The following SPMIP7 variants were observed in gnomAD, a reference collection of about 807,000 sequenced individuals.
The protein encoded by SPMIP7 is protein SPMIP7.
At chr7:50,151,397 C>A in the SPMIP7 span, 1 of 1,333,072 alleles carries the variant, frequency 7.5e-7, no homozygotes, top group Non-Finnish European at 1.0e-6. Flanking sequence ...GACAATTTCA[C>A]AAATCATCAT....
the SPMIP7 span, among the ~76,000 whole-genome samples, chr7:50,135,398 A>C: frequency 6.6e-6 from 1 of 152,204 alleles, no homozygotes; most frequent in Non-Finnish European, 1.5e-5. Flanking sequence ...CTTAATATAG[A>C]TCCCAAGAGG....
the SPMIP7 span, chr7:50,140,176 C>A: frequency 6.7e-7 from 1 of 1,496,688 alleles, no homozygotes; most frequent in South Asian, 1.3e-5. Flanking sequence ...ATATTCCTCT[C>A]TATACGTAAG....
chr7:50,150,203 T>G, the SPMIP7 span, among the ~76,000 whole-genome samples: 1 of 152,118 alleles, frequency 6.6e-6, no homozygotes, highest in Non-Finnish European at 1.5e-5. Context: ...AGGCAGCCAT[T>G]GAAGAACCAT....
chr7:50,153,802 G>A, the SPMIP7 span, among the ~76,000 whole-genome samples: 1 of 152,144 alleles, frequency 6.6e-6, no homozygotes, highest in African/African-American at 2.4e-5. Context: ...ATTCCTCATG[G>A]CACAGTAAAG....
At chr7:50,119,252 G>T in the SPMIP7 span, among the ~76,000 whole-genome samples, 1 of 152,096 alleles carries the variant, frequency 6.6e-6, no homozygotes, top group Non-Finnish European at 1.5e-5. Context: ...CCAAGCTCCT[G>T]GAAATGTATA....
the SPMIP7 span, among the ~76,000 whole-genome samples, chr7:50,109,519 G>C: frequency 6.6e-6 from 1 of 152,058 alleles, no homozygotes. Flanking sequence ...GGGATTACAG[G>C]CATGTGCCAC....
chr7:50,140,749 C>G, the SPMIP7 span, among the ~76,000 whole-genome samples: 1 of 152,214 alleles, frequency 6.6e-6, no homozygotes, highest in East Asian at 1.9e-4. Flanking sequence ...TCTCATTACT[C>G]GGCCTCTTCA....
At chr7:50,099,578 T>C in the SPMIP7 span, among the ~76,000 whole-genome samples, 1 of 152,182 alleles carries the variant, frequency 6.6e-6, no homozygotes, top group African/African-American at 2.4e-5. Flanking sequence ...GCCAGAGATT[T>C]GGGAACCTCT....
At chr7:50,134,298 G>A in the SPMIP7 span, 1 of 1,435,850 alleles carries the variant, frequency 7.0e-7, no homozygotes, top group South Asian at 1.4e-5. Context: ...ATTGAAATGA[G>A]TTCTAAAACT....
chr7:50,095,983 T>A, the SPMIP7 span: 7 of 805,554 alleles, frequency 8.7e-6, no homozygotes, highest in Admixed American at 1.3e-4. Context: ...TTATACTAGT[T>A]TAACACAGAT....
At chr7:50,103,822 TTA>T in the SPMIP7 span, among the ~76,000 whole-genome samples, 3 of 152,194 alleles carry the variant, frequency 2.0e-5, no homozygotes, top group East Asian at 3.9e-4. Context: ...GATTATCTAC[TTA>T]TATGTTTGTA....
At chr7:50,145,580 A>C in the SPMIP7 span, among the ~76,000 whole-genome samples, 1 of 126,190 alleles carries the variant, frequency 7.9e-6, no homozygotes, top group Admixed American at 8.0e-5. Flanking sequence ...GTATATATAT[A>C]TATGTGCGTG....
At chr7:50,149,116 G>A in the SPMIP7 span, among the ~76,000 whole-genome samples, 1 of 149,704 alleles carries the variant, frequency 6.7e-6, no homozygotes, top group South Asian at 2.2e-4. Context: ...CTGTACTCCA[G>A]CCTGGGCAAT....
At chr7:50,114,731 A>T in the SPMIP7 span, among the ~76,000 whole-genome samples, 3 of 152,148 alleles carry the variant, frequency 2.0e-5, no homozygotes, top group South Asian at 6.2e-4. Context: ...TGTTAGTTGG[A>T]TAAAAAATTA....
chr7:50,105,936 A>G, the SPMIP7 span, among the ~76,000 whole-genome samples: 1 of 152,230 alleles, frequency 6.6e-6, no homozygotes, highest in Non-Finnish European at 1.5e-5. Flanking sequence ...TAAAAAACCT[A>G]TGCTACAAAT....
the SPMIP7 span, among the ~76,000 whole-genome samples, chr7:50,103,987 A>G: frequency 6.6e-6 from 1 of 152,192 alleles, no homozygotes; most frequent in Non-Finnish European, 1.5e-5. Flanking sequence ...TATATGAATT[A>G]TCTGCATAAT....
At chr7:50,145,028 G>C in the SPMIP7 span, among the ~76,000 whole-genome samples, 1 of 152,022 alleles carries the variant, frequency 6.6e-6, no homozygotes, top group African/African-American at 2.4e-5. Context: ...TTGGGAAGCC[G>C]AGGCGGGTGG....
the SPMIP7 span, among the ~76,000 whole-genome samples, chr7:50,126,404 C>A: frequency 2.6e-5 from 4 of 151,096 alleles, 1 homozygote; most frequent in South Asian, 8.4e-4. Flanking sequence ...AGAAGACTTA[C>A]CACAGTGAAA....
At chr7:50,145,614 GTGTGTATA>G in the SPMIP7 span, among the ~76,000 whole-genome samples, 381 of 39,038 alleles carry the variant, frequency 9.8e-3, 23 homozygotes, top group African/African-American at 0.027. Flanking sequence ...GTGTATATGT[GTGTGTATA>G]TATATATATA....
Sources: gnomAD v4.1 joint callset for allele counts (sites outside exome capture counted in the v4.1 genomes callset) on GRCh38, gnomAD v4.1.1 for gene constraint, MANE v1.5 for transcripts, NCBI Gene and HGNC (gene_info 2026-07-23, HGNC 2026-07-21) for gene names.